Variants in SPTBN1 observed in about 807,000 individuals in gnomAD.
SPTBN1 encodes spectrin beta chain, non-erythrocytic 1.
In SPTBN1, 32 loss-of-function variants were observed where a neutral mutation model predicts 266.4. The observed-to-expected ratio is 0.12, with a 90% confidence interval of 0.09 to 0.16. The LOEUF is 0.16. Ranked by LOEUF, SPTBN1 falls within the 10% of genes least tolerant of loss-of-function variation. SPTBN1 has a pLI of 1.00. For missense variants in SPTBN1, 2,296 were observed against 3,067.1 expected (o/e 0.75, Z 5.94); for synonymous variants, 1,336 against 1,162.2 (o/e 1.15, Z -3.04).
Position 54,632,563 on chromosome 2 carries a change from A to G in SPTBN1, c.3565-3A>G, listed in dbSNP as rs1224613939. ...CTATGATTTGTTCCTCTTTTTAAATAAGGAGTATGTTCTGGCTCACACTGA... is the reference window on the plus strand; with the variant it reads ...CTATGATTTGTTCCTCTTTTTAAATGAGGAGTATGTTCTGGCTCACACTGA... On this transcript the variant is annotated splice_polypyrimidine_tract_variant and splice_region_variant and intron_variant, in intron 16 of 35. Coordinates refer to ENST00000356805, the MANE Select transcript of SPTBN1 (RefSeq NM_003128.3). The G allele has an allele frequency of 6.2e-7, 1 of 1,614,118 alleles. No individual in the cohort carries two copies. Among genetic ancestry groups the G allele is most frequent in the Admixed American group, 1.7e-5 (1 of 60,022 alleles).
rs530865410 is a variant in SPTBN1 at position 54,670,761 on chromosome 2, T to C, written c.*2192T>C. ...TCAACAGTTCGCAGATCTGTAGTTA[T>C]GAAGCCAGGGTTTGGTGGTATTTGC... On this transcript the variant is annotated 3_prime_UTR_variant, in exon 36 of 36. Transcript: ENST00000356805. 47 of 398,476 alleles carry C rather than the reference T, an allele frequency of 1.2e-4. No individual in the cohort carries two copies. The highest frequency in any genetic ancestry group is 1.4e-4 in the Non-Finnish European group (32 of 226,062). The allele number at this position is 398,476 out of a possible 1,614,324, so 24.7% of individuals were successfully genotyped here.
intron 1 of SPTBN1, among the ~76,000 whole-genome samples, chr2:54,491,908 CTT>C (rs1023279883): frequency 2.0e-5 from 3 of 152,110 alleles, no homozygotes; most frequent in African/African-American, 7.2e-5. Flanking sequence ...TTGTTTCTCT[CTT>C]TTTTAAATCC....
intron 1 of SPTBN1, among the ~76,000 whole-genome samples, chr2:54,457,695 G>T (rs1183632139): frequency 6.6e-6 from 1 of 152,190 alleles, no homozygotes; most frequent in Admixed American, 6.5e-5. Context: ...TGCGGCCCCC[G>T]CCCGGCCCCA....
intron 1 of SPTBN1, among the ~76,000 whole-genome samples, chr2:54,459,018 G>A (rs143018429): frequency 2.2e-4 from 33 of 152,254 alleles, no homozygotes; most frequent in African/African-American, 7.0e-4. Context: ...GTGTAAAATC[G>A]TGTTGCGTAC....
chr2:54,605,328 C>G (rs1226702676), intron 3 of SPTBN1, among the ~76,000 whole-genome samples: 2 of 152,166 alleles, frequency 1.3e-5, no homozygotes, highest in African/African-American at 4.8e-5. Flanking sequence ...TTTTCCTGTA[C>G]TGTAAAGAGG....
chr2:54,662,020 C>T, intron 32 of SPTBN1: 3 of 985,370 alleles, frequency 3.0e-6, no homozygotes, highest in Non-Finnish European at 3.6e-6. Context: ...AATAGCATTG[C>T]TTCGTGCACT....
chr2:54,500,284 A>T (rs1353570357), intron 1 of SPTBN1, among the ~76,000 whole-genome samples: 14 of 152,246 alleles, frequency 9.2e-5, no homozygotes, highest in Admixed American at 9.2e-4. Flanking sequence ...AATTTTAGAG[A>T]TGAATGGAAA....
At chr2:54,565,049 G>A (rs1011288208) in intron 2 of SPTBN1, among the ~76,000 whole-genome samples, 1 of 152,118 alleles carries the variant, frequency 6.6e-6, no homozygotes, top group African/African-American at 2.4e-5. Context: ...GCATCATCTG[G>A]GAATTGGCTA....
intron 2 of SPTBN1, among the ~76,000 whole-genome samples, chr2:54,596,608 T>A (rs1008478036): frequency 3.9e-5 from 6 of 152,200 alleles, no homozygotes. Flanking sequence ...TCGTGGGGCC[T>A]GCTCCTGACT....
intron 17 of SPTBN1, among the ~76,000 whole-genome samples, chr2:54,633,739 T>C (rs1344446685): frequency 6.6e-6 from 1 of 152,192 alleles, no homozygotes; most frequent in Non-Finnish European, 1.5e-5. Context: ...GGAAAAATAT[T>C]CCTTTGCTTA....
At chr2:54,603,402 C>T (rs1379611503) in intron 3 of SPTBN1, among the ~76,000 whole-genome samples, 1 of 152,188 alleles carries the variant, frequency 6.6e-6, no homozygotes, top group Non-Finnish European at 1.5e-5. Flanking sequence ...ACTCTTTTCT[C>T]ATTCAGTTCT....
At chr2:54,544,449 G>T (rs972602614) in intron 2 of SPTBN1, among the ~76,000 whole-genome samples, 2 of 152,134 alleles carry the variant, frequency 1.3e-5, no homozygotes, top group Non-Finnish European at 2.9e-5. Context: ...AGTGGTTATT[G>T]AACTTACTAA....
At chr2:54,606,736 G>C (rs138778043) in intron 3 of SPTBN1, among the ~76,000 whole-genome samples, 2 of 152,170 alleles carry the variant, frequency 1.3e-5, no homozygotes, top group Non-Finnish European at 2.9e-5. Flanking sequence ...GACTGCTGGC[G>C]GGGAGAGCTG....
chr2:54,648,270 A>G (rs950434319), intron 24 of SPTBN1, among the ~76,000 whole-genome samples: 3 of 152,146 alleles, frequency 2.0e-5, no homozygotes, highest in African/African-American at 7.2e-5. Context: ...CATGATCAGG[A>G]TTCCCAGGAA....
intron 2 of SPTBN1, among the ~76,000 whole-genome samples, chr2:54,541,106 C>T (rs892521492): frequency 6.6e-6 from 1 of 152,212 alleles, no homozygotes; most frequent in Non-Finnish European, 1.5e-5. Context: ...ACCTTTTTCT[C>T]TAGCCAGGGA....
At position 54,558,415 on chromosome 2, in the gene SPTBN1, A is replaced by T. The variant is rs1213128604; in HGVS notation, c.148+31849A>T. ...AGGAGGTGTGCGCGCTGCGCCCGCG[A>T]GCTCCCGGGCTCGGCAACCGTGGCA... On this transcript the variant is annotated intron_variant, in intron 2 of 35. Coordinates refer to ENST00000356805, the MANE Select transcript of SPTBN1 (RefSeq NM_003128.3). This position sits in a 1 kb window ranked among gnomAD's most constrained non-coding sequence, Gnocchi z 4.6. 3.9e-6 allele frequency: 4 copies of T among 1,017,064 alleles called. No individual in the cohort carries two copies. The highest frequency in any genetic ancestry group is 4.7e-6 in the Non-Finnish European group (4 of 850,862). The allele number at this position is 1,017,064 out of a possible 1,614,324, so 63.0% of individuals were successfully genotyped here.
In SPTBN1 at chr2:54,558,337, G is replaced by C; in HGVS notation, c.148+31771G>C. ...CAGGTGACATCACCGCCCAGCACAC[G>C]GCGAGTGGCTCCTGATAAAATTACA... is the stretch of plus-strand genomic sequence containing the variant. On this transcript the variant is annotated intron_variant, in intron 2 of 35. Coordinates refer to ENST00000356805, the MANE Select transcript of SPTBN1 (RefSeq NM_003128.3). The surrounding 1 kb of genome is among the most constrained non-coding windows in gnomAD (Gnocchi z 4.6). 1.0e-6 allele frequency: 1 copy of C among 994,902 alleles called. No individual in the cohort carries two copies. Among genetic ancestry groups the C allele is most frequent in the Non-Finnish European group, 1.2e-6 (1 of 835,896 alleles). 61.6% of individuals were successfully genotyped at this position (994,902 alleles called of 1,614,324 possible). A position where few individuals can be genotyped will look rare whatever the true frequency, so the allele number is the denominator to read the frequency against.
chr2:54,507,942 C>A (rs1045054550), intron 1 of SPTBN1, among the ~76,000 whole-genome samples: 2 of 151,788 alleles, frequency 1.3e-5, no homozygotes, highest in African/African-American at 4.8e-5. Context: ...ATAGAGATAG[C>A]TGGGGAGAGG....
At chr2:54,557,675 C>G (rs1672965849) in intron 2 of SPTBN1, 1 of 976,498 alleles carries the variant, frequency 1.0e-6, no homozygotes, top group Non-Finnish European at 1.2e-6. Context: ...TACCTGTGTA[C>G]CTTTTTCCCA....
Sources: gnomAD v4.1 joint callset for allele counts (sites outside exome capture counted in the v4.1 genomes callset) on GRCh38, gnomAD v4.1.1 for gene constraint, Gnocchi (gnomAD v3.1) non-coding constraint, MANE v1.5 for transcripts, NCBI Gene and HGNC (gene_info 2026-07-23, HGNC 2026-07-21) for gene names.